SCFD2: variants seen among roughly 807,000 people sequenced by gnomAD.
The protein encoded by SCFD2 is sec1 family domain containing 2, also known as sec1 family domain-containing protein 2.
A neutral mutation model predicts 58.9 loss-of-function variants in SCFD2; 54 were observed. The ratio of observed to expected loss-of-function variants is 0.92; its 90% CI spans 0.74 to 1.15. The LOEUF is 1.15. Ranked by LOEUF, SCFD2 falls within the 50% of genes most tolerant of loss-of-function variation. The pLI is 0.00. For synonymous variants in SCFD2, 321 were observed against 335.9 expected (o/e 0.96, Z 0.49); for missense variants, 805 against 836.6 (o/e 0.96, Z 0.47).
At chr4:53,322,536 A>G (rs541949632) in intron 2 of SCFD2, among the ~76,000 whole-genome samples, 7 of 152,168 alleles carry the variant, frequency 4.6e-5, no homozygotes, top group South Asian at 4.1e-4. Flanking sequence ...TTTTATTCCT[A>G]CTCTCTATCA....
At chr4:53,191,086 G>A (rs1489692000) in intron 4 of SCFD2, among the ~76,000 whole-genome samples, 10 of 152,052 alleles carry the variant, frequency 6.6e-5, no homozygotes, top group East Asian at 1.9e-4. Flanking sequence ...TGTGGCTCAC[G>A]CCTGTAATCC....
rs1479390664 is a variant in SCFD2, at chr4:53,242,991, G to C, written c.1311+30835C>G. Among the ~76,000 whole-genome samples the C allele has an allele frequency of 2.6e-5, 4 of 152,118 alleles. No homozygotes were observed. In the East Asian group the frequency reaches 7.7e-4, roughly 29 times the overall value. ...TGAGAAATATGGAACTATGTAAAGA[G>C]ACTAAATCTATGACTCATTAGTGTT... On this transcript the variant is annotated intron_variant, in intron 4 of 8. Transcript: ENST00000401642.
chr4:53,245,793 G>C (rs1166892472), intron 4 of SCFD2, among the ~76,000 whole-genome samples: 2 of 152,136 alleles, frequency 1.3e-5, no homozygotes, highest in African/African-American at 4.8e-5. Context: ...ACTGCCACAA[G>C]ACAAGGGTGC....
chr4:53,195,894 C>T (rs1361860611), intron 4 of SCFD2, among the ~76,000 whole-genome samples: 1 of 152,150 alleles, frequency 6.6e-6, no homozygotes, highest in Non-Finnish European at 1.5e-5. Context: ...CTTAACATCA[C>T]CATATGTGAA....
Position 53,296,234 on chromosome 4 carries a change from G to C in SCFD2, c.1135+17402C>G, listed in dbSNP as rs1410728481. ...ATGGTACCAGCTCCTCTTTGTAACT[G>C]TGGTAGAATTTGGCTATGAATCTCT... On this transcript the variant is annotated intron_variant, in intron 3 of 8. Coordinates refer to ENST00000401642, the MANE Select transcript of SCFD2 (RefSeq NM_152540.4). Among the ~76,000 whole-genome samples the C allele has an allele frequency of 1.3e-4, 20 of 152,122 alleles. No individual in the cohort carries two copies. In the East Asian group the frequency reaches 2.3e-3, roughly 18 times the overall value.
rs1328177104 is a variant in SCFD2, at chr4:52,986,249, CG to C, written c.1562-65380del. Among the ~76,000 whole-genome samples, 3 of 151,206 alleles carry C rather than the reference CG, an allele frequency of 2.0e-5. No homozygotes were observed. In the East Asian group the frequency reaches 5.8e-4, roughly 29 times the overall value. On this transcript the variant is annotated intron_variant, in intron 5 of 8. Transcript: ENST00000401642. ...GTAAAGTTTTTTTTTTAATAGTCAT[CG>C]AGTATATGTAAGATTTTAAAACTTG...
intron 4 of SCFD2, among the ~76,000 whole-genome samples, chr4:53,238,312 C>G (rs1392162195): frequency 6.0e-5 from 6 of 100,638 alleles, no homozygotes; most frequent in African/African-American, 2.5e-4. Flanking sequence ...GGGGCTGACC[C>G]CCCCACCTCC....
In SCFD2 at chr4:53,145,407, T is replaced by C. The variant is rs1364360504; in HGVS notation, c.1487A>G (p.Glu496Gly). Residue 496 changes from glutamate (E) to glycine (G), a missense_variant, in exon 5 of 9, where the codon GAA becomes GGA. By Grantham distance (98) the Glu-to-Gly change is moderately conservative. Around this residue, in one of 3 missense-constraint regions of SCFD2, gnomAD observed 633 missense variants for 646.8 expected, o/e 0.98. Coordinates refer to ENST00000401642, the MANE Select transcript of SCFD2 (RefSeq NM_152540.4). ...CTGAGCCAATGCTTTCTTGACTTTT[T>C]CTTCTGCTTCACACAGGTCTTTGTC... ...TVDKDLCEAE[E>G]KVKKALAQVF... 6.2e-7 allele frequency: 1 copy of C among 1,614,180 alleles called. No individual in the cohort carries two copies. The highest frequency in any genetic ancestry group is 1.7e-5 in the Admixed American group (1 of 60,028).
intron 5 of SCFD2, among the ~76,000 whole-genome samples, chr4:53,007,837 C>T (rs951983782): frequency 1.3e-5 from 2 of 152,160 alleles, no homozygotes; most frequent in Non-Finnish European, 2.9e-5. Flanking sequence ...TAAGTCAGTA[C>T]ATGAGAGAGC....
intron 6 of SCFD2, 107 bp downstream of exon 6, chr4:52,920,618 A>C (rs1719710763): frequency 2.8e-6 from 2 of 720,942 alleles, no homozygotes; most frequent in Non-Finnish European, 4.3e-6. Flanking sequence ...ATCATCTAGA[A>C]CAAACCTTTG....
chr4:52,975,518 A>G (rs546132376), intron 5 of SCFD2, among the ~76,000 whole-genome samples: 2 of 152,184 alleles, frequency 1.3e-5, no homozygotes, highest in Non-Finnish European at 2.9e-5. Context: ...AAGTCAGGAA[A>G]CAACAGGTGC....
chr4:53,094,029 C>T (rs11934112), intron 5 of SCFD2, among the ~76,000 whole-genome samples: 62,237 of 151,844 alleles, frequency 0.41, 12,972 homozygotes, highest in Non-Finnish European at 0.44. Context: ...GAAAGAAACA[C>T]GAGACTTAAA....
intron 7 of SCFD2, among the ~76,000 whole-genome samples, chr4:52,894,244 CT>C (rs2109455784): frequency 6.6e-6 from 1 of 152,254 alleles, no homozygotes; most frequent in East Asian, 1.9e-4. Flanking sequence ...AAAAGAACTT[CT>C]TAAAAAGCAC....
chr4:52,908,838 C>T (rs899910110), intron 6 of SCFD2, among the ~76,000 whole-genome samples: 1 of 152,104 alleles, frequency 6.6e-6, no homozygotes, highest in Non-Finnish European at 1.5e-5. Flanking sequence ...TTGGGGATAC[C>T]AACCTTTTTA....
chr4:53,245,516 C>A (rs1167873113), intron 4 of SCFD2, among the ~76,000 whole-genome samples: 2 of 152,094 alleles, frequency 1.3e-5, no homozygotes, highest in South Asian at 2.1e-4. Context: ...ACCACATGAT[C>A]ATCTCAATAG....
chr4:53,216,782 C>T (rs1038613556), intron 4 of SCFD2, among the ~76,000 whole-genome samples: 50 of 152,080 alleles, frequency 3.3e-4, no homozygotes, highest in Non-Finnish European at 6.3e-4. Flanking sequence ...TTGTGGGCAT[C>T]TAGTGCTATA....
At chr4:53,195,155 T>A (rs1291207342) in intron 4 of SCFD2, among the ~76,000 whole-genome samples, 2 of 152,130 alleles carry the variant, frequency 1.3e-5, no homozygotes, top group Admixed American at 6.6e-5. Context: ...AGCCTCTGTA[T>A]CCCAGCTTCG....
intron 5 of SCFD2, among the ~76,000 whole-genome samples, chr4:53,086,806 C>T (rs958585001): frequency 1.3e-5 from 2 of 152,124 alleles, no homozygotes; most frequent in Non-Finnish European, 2.9e-5. Context: ...TAGGTTCTCA[C>T]TTATTTGTGG....
At chr4:53,245,538 G>A (rs1269973988) in intron 4 of SCFD2, among the ~76,000 whole-genome samples, 1 of 152,082 alleles carries the variant, frequency 6.6e-6, no homozygotes, top group African/African-American at 2.4e-5. Context: ...TGTAGCATAG[G>A]CTTTCAATAA....
Sources: gnomAD v4.1 joint callset for allele counts (sites outside exome capture counted in the v4.1 genomes callset) on GRCh38, gnomAD v4.1.1 for gene constraint, gnomAD v4.1.1 regional missense constraint, MANE v1.5 for transcripts, NCBI Gene and HGNC (gene_info 2026-07-23, HGNC 2026-07-21) for gene names.